The following ADAMTS12 variants were observed in gnomAD, a reference collection of about 807,000 sequenced individuals.
ADAMTS12 encodes A disintegrin and metalloproteinase with thrombospondin motifs 12.
In ADAMTS12, 118 loss-of-function variants were observed where a neutral mutation model predicts 167.8. That is an observed-to-expected ratio of 0.70 (90% CI 0.61 to 0.82). The LOEUF is 0.82. ADAMTS12 is among the 40% of genes least tolerant of loss of function. ADAMTS12 has a pLI of 0.00. For synonymous variants in ADAMTS12, 704 were observed against 716.9 expected, an observed-to-expected ratio of 0.98 and a Z score of 0.29; for missense variants, 1,916 against 1,998.8, an observed-to-expected ratio of 0.96 and a Z score of 0.79.
chr5:33,657,805 G>A (rs1353398714), intron 7 of ADAMTS12, among the ~76,000 whole-genome samples: 2 of 152,190 alleles, frequency 1.3e-5, no homozygotes, highest in Non-Finnish European at 2.9e-5. Context: ...GTGCAAAAAT[G>A]TTAGGTTTTA....
At chr5:33,887,658 A>G (rs557098391) in intron 1 of ADAMTS12, among the ~76,000 whole-genome samples, 2 of 152,364 alleles carry the variant, frequency 1.3e-5, no homozygotes, top group South Asian at 4.1e-4. Flanking sequence ...GAAAACACAA[A>G]ACAAGGCATC....
At chr5:33,844,472 C>T (rs901546644) in intron 2 of ADAMTS12, among the ~76,000 whole-genome samples, 2 of 152,152 alleles carry the variant, frequency 1.3e-5, no homozygotes, top group Non-Finnish European at 2.9e-5. Context: ...ATGGTGGAAA[C>T]TGTAGGGATG....
intron 2 of ADAMTS12, among the ~76,000 whole-genome samples, chr5:33,860,471 A>G (rs1749568276): frequency 6.6e-6 from 1 of 152,216 alleles, no homozygotes; most frequent in Non-Finnish European, 1.5e-5. Flanking sequence ...GAAAAAAAGA[A>G]TGGAAAAGAA....
intron 3 of ADAMTS12, among the ~76,000 whole-genome samples, chr5:33,695,458 A>G (rs1297052805): frequency 2.0e-5 from 3 of 152,260 alleles, no homozygotes; most frequent in Non-Finnish European, 4.4e-5. Flanking sequence ...CTTCCTGTCC[A>G]TAAACAAATA....
In ADAMTS12 at chr5:33,841,767, G is replaced by A. The variant is rs1397442042; in HGVS notation, c.489+39352C>T. Among the ~76,000 whole-genome samples the A allele has an allele frequency of 2.6e-5, 4 of 152,298 alleles. 1 individual carries two copies. Among genetic ancestry groups the A allele is most frequent in the South Asian group, 4.1e-4 (2 of 4,826 alleles). Reference sequence around the variant, plus strand: ...CTGCTATGCTAGGGTTCCTGACAACGCAATGCAAGAAGGAGCATTTGTGCT... The same window carrying A: ...CTGCTATGCTAGGGTTCCTGACAACACAATGCAAGAAGGAGCATTTGTGCT... On this transcript the variant is annotated intron_variant, in intron 2 of 23. Transcript: ENST00000504830.
At chr5:33,777,755 T>C (rs1745965824) in intron 2 of ADAMTS12, among the ~76,000 whole-genome samples, 1 of 152,020 alleles carries the variant, frequency 6.6e-6, no homozygotes, top group Non-Finnish European at 1.5e-5. Context: ...GCAGATGACA[T>C]GGTCTTCTAT....
chr5:33,858,795 T>C (rs1749502064), intron 2 of ADAMTS12, among the ~76,000 whole-genome samples: 1 of 152,040 alleles, frequency 6.6e-6, no homozygotes, highest in Non-Finnish European at 1.5e-5. Context: ...TTTCTTCATT[T>C]CCAACTGAGG....
chr5:33,722,216 C>T (rs968438087), intron 3 of ADAMTS12, among the ~76,000 whole-genome samples: 1 of 151,474 alleles, frequency 6.6e-6, no homozygotes, highest in African/African-American at 2.4e-5. Flanking sequence ...GTAATATAGT[C>T]CACCGGTAAT....
chr5:33,754,148 G>A lies in ADAMTS12; in HGVS notation c.490-2600C>T, dbSNP rs192609723. Among the ~76,000 whole-genome samples, 21 of 152,218 alleles carry A rather than the reference G, an allele frequency of 1.4e-4. No individual in the cohort carries two copies. In the East Asian group the frequency reaches 3.9e-3, roughly 28 times the overall value. On this transcript the variant is annotated intron_variant, in intron 2 of 23. Coordinates refer to ENST00000504830, the MANE Select transcript of ADAMTS12 (RefSeq NM_030955.4). ...CTCATCTAACTGGAGCCAGGGTCAT[G>A]CTAGAAAAAAATCACCCGTGGTTTG...
chr5:33,823,303 T>C (rs1043773584), intron 2 of ADAMTS12, among the ~76,000 whole-genome samples: 1 of 152,170 alleles, frequency 6.6e-6, no homozygotes, highest in African/African-American at 2.4e-5. Context: ...TCTTTCAAAA[T>C]TGGCACATGC....
At chr5:33,730,884 G>T (rs1744167296) in intron 3 of ADAMTS12, among the ~76,000 whole-genome samples, 1 of 152,188 alleles carries the variant, frequency 6.6e-6, no homozygotes, top group Admixed American at 6.5e-5. Flanking sequence ...GAAGAAATCT[G>T]TACCTTGGCA....
rs1579710096 is a variant in ADAMTS12 at position 33,587,925 on chromosome 5, C to T, written c.2865+674G>A. On this transcript the variant is annotated intron_variant, in intron 18 of 23. Transcript: ENST00000504830. Reference sequence around the variant, plus strand: ...GGCCCTTGGAGACTTTGGGGCCTTCCACTAATAACTGGGAACATGACAATG... The same window carrying T: ...GGCCCTTGGAGACTTTGGGGCCTTCTACTAATAACTGGGAACATGACAATG... 2.6e-5 allele frequency among the ~76,000 whole-genome samples: 4 copies of T among 152,260 alleles called. No individual in the cohort carries two copies. In the East Asian group the frequency reaches 7.7e-4, roughly 29 times the overall value.
chr5:33,856,122 A>T (rs1042010619), intron 2 of ADAMTS12, among the ~76,000 whole-genome samples: 2 of 152,204 alleles, frequency 1.3e-5, no homozygotes, highest in Non-Finnish European at 2.9e-5. Context: ...AATGATTTCG[A>T]GAAATAGACA....
chr5:33,734,753 G>C (rs971561007), intron 3 of ADAMTS12, among the ~76,000 whole-genome samples: 4 of 152,188 alleles, frequency 2.6e-5, no homozygotes, highest in African/African-American at 7.2e-5. Flanking sequence ...AACGGTGGGT[G>C]GGGGAGGAGG....
intron 14 of ADAMTS12, among the ~76,000 whole-genome samples, chr5:33,619,663 G>T (rs1739208849): frequency 6.6e-6 from 1 of 151,808 alleles, no homozygotes; most frequent in African/African-American, 2.4e-5. Flanking sequence ...TGCTATGTAT[G>T]TATGCATGTA....
chr5:33,819,407 GAT>G (rs1747787957), intron 2 of ADAMTS12, among the ~76,000 whole-genome samples: 1 of 151,974 alleles, frequency 6.6e-6, no homozygotes, highest in Non-Finnish European at 1.5e-5. Context: ...TAGGCACTCT[GAT>G]TTGTTCCATT....
At chr5:33,739,776 T>G (rs937324770) in intron 3 of ADAMTS12, among the ~76,000 whole-genome samples, 4 of 152,176 alleles carry the variant, frequency 2.6e-5, no homozygotes, top group Non-Finnish European at 5.9e-5. Context: ...AGTGGGCCTG[T>G]GCTCCGAAGT....
At chr5:33,574,167 A>G (rs1165042819) in intron 19 of ADAMTS12, among the ~76,000 whole-genome samples, 1 of 151,746 alleles carries the variant, frequency 6.6e-6, no homozygotes, top group Non-Finnish European at 1.5e-5. Flanking sequence ...AACTAGTTCA[A>G]CCATTGTGGA....
chr5:33,584,771 A>G (rs1747253390), intron 18 of ADAMTS12, among the ~76,000 whole-genome samples: 1 of 152,232 alleles, frequency 6.6e-6, no homozygotes, highest in Admixed American at 6.5e-5. Context: ...AAACCTAGAA[A>G]AATTACCACC....
Sources: gnomAD v4.1 joint callset for allele counts (sites outside exome capture counted in the v4.1 genomes callset) on GRCh38, gnomAD v4.1.1 for gene constraint, MANE v1.5 for transcripts, NCBI Gene and HGNC (gene_info 2026-07-23, HGNC 2026-07-21) for gene names.